The following PTGER3 variants were observed in gnomAD, a reference collection of about 807,000 sequenced individuals.
The protein encoded by PTGER3 is prostaglandin E2 receptor EP3 subtype.
A neutral mutation model predicts 34.7 loss-of-function variants in PTGER3; 22 were observed. The ratio of observed to expected loss-of-function variants is 0.63; its 90% CI spans 0.45 to 0.91. PTGER3 has a LOEUF of 0.91. Among genes scored for constraint, PTGER3 ranks in the 40% least tolerant of loss-of-function variants. The pLI is 0.00. For missense variants in PTGER3, 468 were observed against 519.4 expected, an observed-to-expected ratio of 0.90 and a Z score of 0.96; for synonymous variants, 241 against 230.1, an observed-to-expected ratio of 1.05 and a Z score of -0.43.
downstream of PTGER3, among the ~76,000 whole-genome samples, chr1:70,970,574 G>A (rs1345126208): frequency 2.0e-5 from 3 of 151,966 alleles, no homozygotes; most frequent in Admixed American, 6.6e-5. Flanking sequence ...TATTTTCATC[G>A]CTTCCCAAGA....
chr1:70,853,235 A>G (rs964853149), intron 4 of PTGER3, among the ~76,000 whole-genome samples: 1 of 152,198 alleles, frequency 6.6e-6, no homozygotes, highest in Non-Finnish European at 1.5e-5. Flanking sequence ...TTGCAGACAT[A>G]AAAACATTAT....
At chr1:70,975,484 C>G (rs1442798536) in intron 2 of PTGER3, among the ~76,000 whole-genome samples, 1 of 151,984 alleles carries the variant, frequency 6.6e-6, no homozygotes, top group East Asian at 1.9e-4. Context: ...TTTCTTCAGT[C>G]TTTTTTAATT....
At chr1:71,005,249 A>G (rs1322708141) in intron 2 of PTGER3, among the ~76,000 whole-genome samples, 2 of 152,158 alleles carry the variant, frequency 1.3e-5, no homozygotes, top group Admixed American at 1.3e-4. Flanking sequence ...GATGACCCTG[A>G]GAGGTTATAT....
At chr1:70,934,822 C>T (rs977943379) in intron 4 of PTGER3, among the ~76,000 whole-genome samples, 4 of 152,056 alleles carry the variant, frequency 2.6e-5, no homozygotes, top group African/African-American at 7.2e-5. Flanking sequence ...CAGAAGCAGC[C>T]ATAACAACAG....
chr1:70,971,251 T>C lies in PTGER3; in HGVS notation c.*479A>G. The C allele has an allele frequency of 1.0e-6, 1 of 985,610 alleles. No homozygotes were observed. The highest frequency in any genetic ancestry group is 1.2e-6 in the Non-Finnish European group (1 of 830,042). The allele number at this position is 985,610 out of a possible 1,614,324, so 61.1% of individuals were successfully genotyped here. A position where few individuals can be genotyped will look rare whatever the true frequency, so the allele number is the denominator to read the frequency against. ...TCCCTCCTGCCCTCATTTGCTTTTA[T>C]ATGTCGTTAAGTTCATATCCTATTA... On this transcript the variant is annotated 3_prime_UTR_variant, in exon 4 of 4. Transcript: ENST00000306666.
intron 4 of PTGER3, among the ~76,000 whole-genome samples, chr1:70,921,894 A>T (rs1479766579): frequency 6.6e-6 from 1 of 152,184 alleles, no homozygotes; most frequent in Admixed American, 6.5e-5. Context: ...TGATTGGCTT[A>T]AAAATAAGTT....
chr1:70,881,135 T>C (rs1335025023), intron 4 of PTGER3, among the ~76,000 whole-genome samples: 3 of 152,228 alleles, frequency 2.0e-5, no homozygotes, highest in Admixed American at 2.0e-4. Context: ...TATTTTTGTC[T>C]GACGGAGTTA....
At position 70,892,866 on chromosome 1, in the gene PTGER3, A is replaced by G. The variant is rs186344861; in HGVS notation, c.*24-40007T>C. ...AAAAAAAAAAAAAAAGAAAGAAAAA[A>G]AAGAGTAGGAACATTTCTTACTTCA... On this transcript the variant is annotated intron_variant, in intron 4 of 4. Transcript: ENST00000370931. Among the ~76,000 whole-genome samples, 183 of 151,958 alleles carry G rather than the reference A, an allele frequency of 1.2e-3. 2 individuals carry two copies. The highest frequency in any genetic ancestry group is 3.9e-3 in the African/African-American group (160 of 41,472).
intron 4 of PTGER3, among the ~76,000 whole-genome samples, chr1:70,921,351 G>T (rs961630716): frequency 6.6e-6 from 1 of 152,116 alleles, no homozygotes. Context: ...TGAGTGCCTC[G>T]CTTTCCCCAT....
downstream of PTGER3, among the ~76,000 whole-genome samples, chr1:70,966,610 C>T (rs1295993378): frequency 6.6e-6 from 1 of 152,052 alleles, no homozygotes; most frequent in Non-Finnish European, 1.5e-5. Context: ...ACCCCCGACC[C>T]CCCAACAGGC....
chr1:71,004,763 G>GAATAGGTT (rs1656792839), intron 2 of PTGER3, among the ~76,000 whole-genome samples: 1 of 152,182 alleles, frequency 6.6e-6, no homozygotes, highest in African/African-American at 2.4e-5. Flanking sequence ...AAGAAATTGT[G>GAATAGGTT]CCTAATCATC....
intron 1 of PTGER3, among the ~76,000 whole-genome samples, chr1:71,025,164 C>CCTTCCTTCTTTCCTACCTTTT (rs1658808434): frequency 6.7e-6 from 1 of 148,566 alleles, no homozygotes; most frequent in Admixed American, 6.8e-5. Flanking sequence ...TTCCTTCCTT[C>CCTTCCTTCTTTCCTACCTTTT]TTTCCTTCCT....
intron 1 of PTGER3, among the ~76,000 whole-genome samples, chr1:71,039,016 C>T (rs754560114): frequency 2.1e-4 from 32 of 152,314 alleles, no homozygotes; most frequent in Admixed American, 7.8e-4. Flanking sequence ...AACAGGAAGA[C>T]GACCCTGACT....
At chr1:70,952,868 T>G (rs1348503445) in exon 4 of PTGER3, 1 of 1,545,520 alleles carries the variant, frequency 6.5e-7, no homozygotes, top group South Asian at 1.2e-5. Flanking sequence ...GGAGCTTGCT[T>G]TTTTAAAACA....
chr1:71,046,538 A>C (rs1401844189), intron 1 of PTGER3, 143 bp downstream of exon 1: 2 of 1,059,094 alleles, frequency 1.9e-6, no homozygotes, highest in African/African-American at 3.2e-5. Flanking sequence ...GCTGTAACCA[A>C]GACCGCGCGG....
intron 2 of PTGER3, among the ~76,000 whole-genome samples, chr1:71,004,496 G>T (rs762385104): frequency 6.6e-6 from 1 of 152,146 alleles, no homozygotes; most frequent in Non-Finnish European, 1.5e-5. Flanking sequence ...ATAAAATGAA[G>T]CTTCTGCAGC....
intron 4 of PTGER3, among the ~76,000 whole-genome samples, chr1:70,911,715 G>A (rs561279061): frequency 3.3e-5 from 5 of 152,158 alleles, no homozygotes; most frequent in African/African-American, 1.2e-4. Context: ...GCTTAGACAA[G>A]GTTAGATTTC....
intron 4 of PTGER3, among the ~76,000 whole-genome samples, chr1:70,885,449 T>A (rs1306122398): frequency 6.6e-6 from 1 of 152,256 alleles, no homozygotes; most frequent in African/African-American, 2.4e-5. Flanking sequence ...TAAGACTTTA[T>A]GATCTAGTTG....
chr1:70,966,440 T>C (rs984958912), downstream of PTGER3, among the ~76,000 whole-genome samples: 1 of 152,174 alleles, frequency 6.6e-6, no homozygotes, highest in Non-Finnish European at 1.5e-5. Flanking sequence ...TTATTTAATA[T>C]GCAGGCTTAT....
Sources: allele counts gnomAD v4.1 joint callset (sites outside exome capture counted in the v4.1 genomes callset), GRCh38; gene constraint gnomAD v4.1.1; transcripts MANE v1.5; gene names NCBI Gene and HGNC (gene_info 2026-07-23, HGNC 2026-07-21).